Variants in SEC23B observed in about 807,000 individuals in gnomAD.
SEC23B encodes the protein protein transport protein Sec23B.
In SEC23B, 77 loss-of-function variants were observed where a neutral mutation model predicts 104.3. The observed-to-expected ratio is 0.74, with a 90% CI of 0.61 to 0.89. The LOEUF (loss-of-function observed/expected upper bound fraction) is 0.89. Ranked by LOEUF, SEC23B falls within the 40% of genes least tolerant of loss-of-function variation. SEC23B has a pLI of 0.00. For synonymous variants in SEC23B, 338 were observed against 332.5 expected, an observed-to-expected ratio of 1.02 and a Z score of -0.18; for missense variants, 885 against 949.4, an observed-to-expected ratio of 0.93 and a Z score of 0.89.
chr20:18,512,504 G>T (rs765370288), intron 3 of SEC23B, among the ~76,000 whole-genome samples: 5 of 152,134 alleles, frequency 3.3e-5, no homozygotes, highest in Non-Finnish European at 7.3e-5. Flanking sequence ...TGGGGAGGGG[G>T]TGTTCATTGA....
chr20:18,517,673 C>G (rs757937661), intron 4 of SEC23B, among the ~76,000 whole-genome samples: 1 of 152,018 alleles, frequency 6.6e-6, no homozygotes, highest in Non-Finnish European at 1.5e-5. Flanking sequence ...CTGCTTCTAG[C>G]GGGATTAGGG....
intron 1 of SEC23B, chr20:18,509,839 G>A (rs1272392669): frequency 1.3e-5 from 2 of 152,198 alleles, no homozygotes; most frequent in African/African-American, 4.8e-5. Context: ...GCCCATCTCA[G>A]CCTCCCAAAG....
intron 15 of SEC23B, among the ~76,000 whole-genome samples, chr20:18,546,914 T>G (rs957163784): frequency 7.4e-5 from 11 of 149,210 alleles, no homozygotes; most frequent in South Asian, 2.1e-4. Flanking sequence ...TTTTTTTTTT[T>G]TTTTTTTTTT....
intron 12 of SEC23B, among the ~76,000 whole-genome samples, chr20:18,541,922 GTGTT>G (rs1249735605): frequency 6.6e-6 from 1 of 152,182 alleles, no homozygotes; most frequent in African/African-American, 2.4e-5. Flanking sequence ...AGGCATGTCT[GTGTT>G]TGTTTAATGA....
chr20:18,542,549 C>T, intron 13 of SEC23B, 147 bp downstream of exon 13: 2 of 834,784 alleles, frequency 2.4e-6, no homozygotes, highest in Non-Finnish European at 4.0e-6. Flanking sequence ...GAGGAGGAGG[C>T]ATTTTTGGCT....
rs201089732 is a variant in SEC23B, at chr20:18,530,763, G to A, written c.1193G>A (p.Gly398Glu). 3 of 1,613,252 alleles carry A rather than the reference G, an allele frequency of 1.9e-6. No homozygotes were observed. Among genetic ancestry groups the A allele is most frequent in the African/African-American group, 2.7e-5 (2 of 74,924 alleles). The change falls in exon 10 of 20, where the codon GGA (glycine) becomes GAA (glutamate). Residue 398 changes from glycine to glutamate, a missense_variant. By Grantham distance (98) the Gly-to-Glu change is moderately conservative. Coordinates refer to ENST00000650089, the MANE Select transcript of SEC23B (RefSeq NM_006363.6). ...FQRIFTKDFN[G>E]DFRMAFGATL... The stretch of plus-strand genomic sequence containing the variant: ...AGAATCTTTACTAAAGATTTTAATG[G>A]AGATTTCCGAATGGCATTTGGTGCT...
intron 4 of SEC23B, among the ~76,000 whole-genome samples, chr20:18,522,090 A>G (rs374990050): frequency 6.6e-6 from 1 of 152,112 alleles, no homozygotes; most frequent in African/African-American, 2.4e-5. Context: ...GAAGAAGGGA[A>G]TGGAGGGCGG....
chr20:18,534,014 A>G (rs965346514), intron 11 of SEC23B, among the ~76,000 whole-genome samples: 3 of 152,170 alleles, frequency 2.0e-5, no homozygotes, highest in African/African-American at 4.8e-5. Context: ...GGAAAATACA[A>G]TTTTCAGACA....
rs181638196 is a variant in SEC23B at position 18,538,937 on chromosome 20, G to A, written c.1404+3195G>A. ...TTAAAAAAAATAGGCCGGGTGTGAT[G>A]GCTCCCGCCTGTAATCCCAGCATTT... On this transcript the variant is annotated intron_variant, in intron 12 of 19. Transcript: ENST00000650089. Among the ~76,000 whole-genome samples the A allele has an allele frequency of 4.1e-3, 625 of 152,144 alleles. 1 individual carries two copies. Among genetic ancestry groups the A allele is most frequent in the Middle Eastern group, 0.014 (4 of 292 alleles).
chr20:18,532,623 G>A, intron 10 of SEC23B, 41 bp from the exon 11 acceptor site: 1 of 1,382,814 alleles, frequency 7.2e-7, no homozygotes, highest in Non-Finnish European at 1.0e-6. Flanking sequence ...AGGGTGGATT[G>A]AAGTGATCTT....
chr20:18,508,254 A>G (rs143746102), intron 1 of SEC23B: 2 of 152,320 alleles, frequency 1.3e-5, no homozygotes, highest in African/African-American at 4.8e-5. Flanking sequence ...GACTCAGACA[A>G]GTGAAACGAC....
chr20:18,548,005 G>C (rs779471005), intron 15 of SEC23B, among the ~76,000 whole-genome samples: 1 of 152,032 alleles, frequency 6.6e-6, no homozygotes, highest in South Asian at 2.1e-4. Flanking sequence ...AGGCTGGAGT[G>C]CAATGGCCTG....
rs190202170 is a variant in SEC23B at position 18,533,883 on chromosome 20, T to C, written c.1314+1139T>C. 1.4e-3 allele frequency among the ~76,000 whole-genome samples: 209 copies of C among 152,370 alleles called. 3 individuals carry two copies. The highest frequency in any genetic ancestry group is 1.3e-4 in the Non-Finnish European group (9 of 68,040). The stretch of plus-strand genomic sequence containing the variant: ...ATTTTTCATGGACTTAAAATCTGCC[T>C]GCTGAAGGCTTCTTGAAGTAGTTTA... On this transcript the variant is annotated intron_variant, in intron 11 of 19. Coordinates refer to ENST00000650089, the MANE Select transcript of SEC23B (RefSeq NM_006363.6).
At chr20:18,520,500 G>A (rs934638008) in intron 4 of SEC23B, among the ~76,000 whole-genome samples, 22 of 152,032 alleles carry the variant, frequency 1.4e-4, no homozygotes, top group Non-Finnish European at 2.8e-4. Flanking sequence ...GGAAAAGAGC[G>A]GGAGTGAGGT....
intron 12 of SEC23B, among the ~76,000 whole-genome samples, chr20:18,536,927 A>G (rs191846930): frequency 2.2e-4 from 33 of 152,328 alleles, no homozygotes; most frequent in Admixed American, 2.1e-3. Flanking sequence ...TGAACATCAC[A>G]AAGTCTTCAT....
At chr20:18,553,150 G>C (rs937931059) in intron 17 of SEC23B, among the ~76,000 whole-genome samples, 7 of 152,238 alleles carry the variant, frequency 4.6e-5, no homozygotes, top group Admixed American at 2.6e-4. Flanking sequence ...CAAGTGAGGG[G>C]TTCTAAGGAT....
intron 19 of SEC23B, among the ~76,000 whole-genome samples, chr20:18,556,111 A>T (rs2060435312): frequency 6.6e-6 from 1 of 151,994 alleles, no homozygotes; most frequent in Admixed American, 6.6e-5. Flanking sequence ...TACTGATCTG[A>T]TGGGAGGTGG....
In SEC23B at chr20:18,535,653, G is replaced by A. The variant is rs2060222813; in HGVS notation, c.1315G>A (p.Glu439Lys). Reference protein sequence around the residue: ...NVKGPCVSENELGVGGTSQWK... With the variant: ...NVKGPCVSENKLGVGGTSQWK... ...TTCAAATTCCTCTTCCCACCCCCAG[G>A]AGCTTGGTGTTGGTGGCACGAGTCA... The change falls in exon 12 of 20, where the codon GAG (glutamate) becomes AAG (lysine). Residue 439 changes from glutamate (E) to lysine (K), a missense_variant and splice_region_variant. By Grantham distance (56) the Glu-to-Lys change is moderately conservative. Coordinates refer to ENST00000650089, the MANE Select transcript of SEC23B (RefSeq NM_006363.6). The A allele has an allele frequency of 6.8e-6, 11 of 1,613,648 alleles. No individual in the cohort carries two copies. Among genetic ancestry groups the A allele is most frequent in the Non-Finnish European group, 8.5e-6 (10 of 1,179,614 alleles).
At chr20:18,511,584 T>G (rs1174598737) in intron 2 of SEC23B, among the ~76,000 whole-genome samples, 1 of 152,046 alleles carries the variant, frequency 6.6e-6, no homozygotes, top group Non-Finnish European at 1.5e-5. Context: ...TTTAAACAGG[T>G]AGAGAGTGTC....
Sources: gnomAD v4.1 joint callset for allele counts (sites outside exome capture counted in the v4.1 genomes callset) on GRCh38, gnomAD v4.1.1 for gene constraint, MANE v1.5 for transcripts, NCBI Gene and HGNC (gene_info 2026-07-23, HGNC 2026-07-21) for gene names.